WDR27: variants seen among roughly 807,000 people sequenced by gnomAD.
WDR27 encodes the protein WD repeat-containing protein 27.
A neutral mutation model predicts 114.4 loss-of-function variants in WDR27; 100 were observed. That is an observed-to-expected ratio of 0.87 (90% CI 0.74 to 1.03). The LOEUF is 1.03. WDR27 is among the 50% of genes least tolerant of loss of function. The pLI is 0.00. For synonymous variants in WDR27, 449 were observed against 423.1 expected (o/e 1.06, Z -0.75); for missense variants, 1,129 against 1,092.9 (o/e 1.03, Z -0.47).
chr6:169,523,949 A>T (rs1415396534), intron 25 of WDR27, among the ~76,000 whole-genome samples: 2 of 152,160 alleles, frequency 1.3e-5, no homozygotes, highest in Admixed American at 1.3e-4. Context: ...CAGAGCAATT[A>T]GGTAAGAGAA....
At chr6:169,530,879 A>G (rs978297841) in intron 25 of WDR27, among the ~76,000 whole-genome samples, 2 of 152,206 alleles carry the variant, frequency 1.3e-5, no homozygotes, top group African/African-American at 4.8e-5. Flanking sequence ...CCTTCCTAAC[A>G]TTCATGCATG....
intron 25 of WDR27, among the ~76,000 whole-genome samples, chr6:169,531,654 TG>T (rs1452498289): frequency 3.8e-4 from 28 of 72,892 alleles, no homozygotes; most frequent in Admixed American, 1.9e-3. Context: ...TTAAACAGTT[TG>T]TTTTTTTTTT....
chr6:169,650,332 C>A (rs1822024604), intron 14 of WDR27, among the ~76,000 whole-genome samples: 1 of 146,376 alleles, frequency 6.8e-6, no homozygotes, highest in African/African-American at 2.5e-5. Context: ...CACCCACCCA[C>A]TCATCCATCC....
intron 25 of WDR27, among the ~76,000 whole-genome samples, chr6:169,535,279 G>C (rs552542584): frequency 6.6e-6 from 1 of 151,502 alleles, no homozygotes; most frequent in Non-Finnish European, 1.5e-5. Flanking sequence ...AGCACCTAAG[G>C]AACATCAGAT....
At chr6:169,606,796 T>C (rs993103436) in intron 22 of WDR27, among the ~76,000 whole-genome samples, 4 of 152,214 alleles carry the variant, frequency 2.6e-5, no homozygotes, top group Non-Finnish European at 4.4e-5. Context: ...ATCTTTATAA[T>C]AGAATGATTT....
intron 2 of WDR27, among the ~76,000 whole-genome samples, chr6:169,687,149 C>G (rs1440682189): frequency 6.6e-6 from 1 of 151,870 alleles, no homozygotes; most frequent in African/African-American, 2.4e-5. Context: ...ATAATGTTAC[C>G]AACACAATAA....
chr6:169,612,312 G>A lies in WDR27; in HGVS notation c.2321+1247C>T, dbSNP rs182196994. ...CGGGCACCTGTAATCCCAGCTACTC[G>A]GAGAGGCTGAGGCAGGAGAATGGCG... is the stretch of plus-strand genomic sequence containing the variant. On this transcript the variant is annotated intron_variant, in intron 22 of 25. Transcript: ENST00000448612. Among the ~76,000 whole-genome samples, 106 of 151,834 alleles carry A rather than the reference G, an allele frequency of 7.0e-4. No homozygotes were observed. In the Middle Eastern group the frequency reaches 0.038, roughly 55 times the overall value.
chr6:169,530,630 C>T (rs1445673078), intron 25 of WDR27, among the ~76,000 whole-genome samples: 1 of 152,190 alleles, frequency 6.6e-6, no homozygotes, highest in African/African-American at 2.4e-5. Flanking sequence ...TAGGAGACTG[C>T]AACGCATGGA....
At chr6:169,631,430 G>C (rs1472077678) in intron 21 of WDR27, among the ~76,000 whole-genome samples, 1 of 152,046 alleles carries the variant, frequency 6.6e-6, no homozygotes, top group African/African-American at 2.4e-5. Flanking sequence ...GTGGGGTGGG[G>C]GGGTGGAAGA....
intron 25 of WDR27, among the ~76,000 whole-genome samples, chr6:169,557,425 C>T (rs911545236): frequency 1.3e-5 from 2 of 152,130 alleles, no homozygotes; most frequent in South Asian, 2.1e-4. Context: ...GTGGGGGGTG[C>T]GGTGCAGGTG....
At chr6:169,498,883 G>A (rs1790737731) in intron 25 of WDR27, among the ~76,000 whole-genome samples, 1 of 152,228 alleles carries the variant, frequency 6.6e-6, no homozygotes, top group Admixed American at 6.5e-5. Context: ...AGGATTGTCT[G>A]TATCTTGACT....
chr6:169,542,293 A>G (rs1796930196), intron 25 of WDR27, among the ~76,000 whole-genome samples: 1 of 152,182 alleles, frequency 6.6e-6, no homozygotes, highest in South Asian at 2.1e-4. Context: ...GCAGTATCTT[A>G]GCCAGTTATT....
At chr6:169,666,693 C>T (rs953722998) in intron 6 of WDR27, 2 of 987,022 alleles carry the variant, frequency 2.0e-6, no homozygotes, top group Admixed American at 1.2e-4. Context: ...ACGCAAGGAC[C>T]CTGGCATTCA....
intron 25 of WDR27, among the ~76,000 whole-genome samples, chr6:169,529,311 G>A (rs1795304340): frequency 3.1e-5 from 1 of 32,584 alleles, no homozygotes; most frequent in Non-Finnish European, 6.9e-5. Flanking sequence ...GGTGACCTCT[G>A]CGGGGGGGGG....
At chr6:169,663,266 A>C (rs1350045139) in intron 8 of WDR27, among the ~76,000 whole-genome samples, 1 of 152,170 alleles carries the variant, frequency 6.6e-6, no homozygotes, top group Non-Finnish European at 1.5e-5. Context: ...AATAACAAAA[A>C]CCAAGGTTTA....
chr6:169,497,996 G>T (rs752864524), intron 25 of WDR27, among the ~76,000 whole-genome samples: 68 of 152,126 alleles, frequency 4.5e-4, no homozygotes, highest in African/African-American at 1.6e-3. Flanking sequence ...CTAAAACATG[G>T]AAGCAACACA....
chr6:169,453,722 C>T (rs1030623883), downstream of WDR27, among the ~76,000 whole-genome samples: 11 of 152,184 alleles, frequency 7.2e-5, no homozygotes, highest in Non-Finnish European at 1.3e-4. Context: ...TAAATTGTAT[C>T]ATTTCTTAAA....
intron 2 of WDR27, among the ~76,000 whole-genome samples, chr6:169,683,245 A>G (rs1401896104): frequency 6.6e-6 from 1 of 152,196 alleles, no homozygotes. Flanking sequence ...AAAAATACCC[A>G]AAGATATATT....
At chr6:169,561,749 CCA>C (rs751268682) in intron 25 of WDR27, among the ~76,000 whole-genome samples, 7 of 151,868 alleles carry the variant, frequency 4.6e-5, no homozygotes, top group Admixed American at 4.6e-4. Flanking sequence ...TGGTCTAAAC[CCA>C]CACATTAAAA....
Sources: allele counts gnomAD v4.1 joint callset (sites outside exome capture counted in the v4.1 genomes callset), GRCh38; gene constraint gnomAD v4.1.1; transcripts MANE v1.5; gene names NCBI Gene and HGNC (gene_info 2026-07-23, HGNC 2026-07-21).